DNER: variants seen among roughly 807,000 people sequenced by gnomAD.
The protein encoded by DNER is delta/notch like EGF repeat containing.
Under a neutral mutation model 78.2 loss-of-function variants are expected in DNER, and 33 were observed. The ratio of observed to expected loss-of-function variants is 0.42; its 90% CI spans 0.32 to 0.56. The LOEUF is 0.56. Among genes scored for constraint, DNER ranks in the 20% least tolerant of loss-of-function variants. The pLI is 0.11. For missense variants in DNER, 918 were observed against 975.3 expected (o/e 0.94, Z 0.78); for synonymous variants, 417 against 384.8 (o/e 1.08, Z -0.98).
At chr2:229,711,142 A>AT (rs1444027813) in intron 1 of DNER, among the ~76,000 whole-genome samples, 2 of 151,944 alleles carry the variant, frequency 1.3e-5, no homozygotes, top group African/African-American at 4.8e-5. Flanking sequence ...GTTTTGCTGC[A>AT]TTTTGGGGTT....
intron 1 of DNER, among the ~76,000 whole-genome samples, chr2:229,706,375 A>C (rs1213731555): frequency 1.4e-5 from 2 of 140,594 alleles, no homozygotes; most frequent in Non-Finnish European, 3.1e-5. Flanking sequence ...ACATAGCAAA[A>C]CCTCATCTCT....
At chr2:229,687,181 A>C (rs1236379010) in intron 1 of DNER, among the ~76,000 whole-genome samples, 1 of 152,162 alleles carries the variant, frequency 6.6e-6, no homozygotes, top group Non-Finnish European at 1.5e-5. Flanking sequence ...TATTAACTTG[A>C]AAACATTTAG....
At chr2:229,669,387 T>A (rs1301645634) in intron 1 of DNER, among the ~76,000 whole-genome samples, 4 of 150,942 alleles carry the variant, frequency 2.7e-5, no homozygotes, top group South Asian at 2.1e-4. Context: ...TATATATATA[T>A]AAAAGAATGT....
chr2:229,706,396 C>CAA (rs35958661), intron 1 of DNER, among the ~76,000 whole-genome samples: 3,068 of 119,806 alleles, frequency 0.026, 63 homozygotes, highest in Middle Eastern at 0.078. Context: ...AGTAAAAATA[C>CAA]AAAAAAAAAA....
At chr2:229,430,748 CAT>C (rs921185740) in intron 8 of DNER, among the ~76,000 whole-genome samples, 13 of 151,074 alleles carry the variant, frequency 8.6e-5, no homozygotes, top group African/African-American at 3.2e-4. Context: ...GACTAATACA[CAT>C]GTTTTATGGG....
chr2:229,622,341 G>T (rs1433326493), intron 1 of DNER, among the ~76,000 whole-genome samples: 1 of 152,012 alleles, frequency 6.6e-6, no homozygotes, highest in Non-Finnish European at 1.5e-5. Flanking sequence ...ACTCACCAAT[G>T]ACCCCTTTGA....
intron 1 of DNER, among the ~76,000 whole-genome samples, chr2:229,598,136 G>A (rs1697758545): frequency 6.6e-6 from 1 of 152,244 alleles, no homozygotes; most frequent in Non-Finnish European, 1.5e-5. Context: ...GATATAGTAA[G>A]TCAAAGCTAA....
In DNER at chr2:229,607,699, C is replaced by G. The variant is rs1052651781; in HGVS notation, c.277-15811G>C. Among the ~76,000 whole-genome samples the G allele has an allele frequency of 2.0e-5, 3 of 151,958 alleles. No individual in the cohort carries two copies. The South Asian group carries it at 6.2e-4, about 32-fold the overall frequency. On this transcript the variant is annotated intron_variant, in intron 1 of 12. Transcript: ENST00000341772. ...CACAGAGATTTGCCATGTAGAGAAA[C>G]TTAGAATATAACAGGGAAGGCATTA...
intron 1 of DNER, among the ~76,000 whole-genome samples, chr2:229,648,507 T>G (rs1473320744): frequency 6.6e-6 from 1 of 152,256 alleles, no homozygotes; most frequent in Non-Finnish European, 1.5e-5. Flanking sequence ...CTGTTCGCTT[T>G]TTGTACCACT....
chr2:229,570,364 G>A (rs1011244044), intron 4 of DNER, among the ~76,000 whole-genome samples: 10 of 152,310 alleles, frequency 6.6e-5, no homozygotes, highest in Admixed American at 2.0e-4. Flanking sequence ...CAGGTGTGGT[G>A]GCTTACGCCT....
At chr2:229,480,336 C>T (rs34421466) in intron 6 of DNER, among the ~76,000 whole-genome samples, 19,002 of 152,178 alleles carry the variant, frequency 0.12, 1,330 homozygotes, top group South Asian at 0.2. Context: ...TTTCAGTATG[C>T]ATTTCTAGCA....
chr2:229,476,080 G>A (rs145816695), intron 7 of DNER, among the ~76,000 whole-genome samples: 9 of 152,298 alleles, frequency 5.9e-5, no homozygotes, highest in Non-Finnish European at 8.8e-5. Context: ...AGCAGGGCTT[G>A]CCAAACACAT....
At chr2:229,668,823 A>G (rs182825902) in intron 1 of DNER, among the ~76,000 whole-genome samples, 1,707 of 151,792 alleles carry the variant, frequency 0.011, 34 homozygotes, top group African/African-American at 0.039. Context: ...GATTCCTCAA[A>G]GATCTAGAAC....
At chr2:229,664,782 A>G (rs1699060787) in intron 1 of DNER, among the ~76,000 whole-genome samples, 1 of 152,236 alleles carries the variant, frequency 6.6e-6, no homozygotes, top group Non-Finnish European at 1.5e-5. Context: ...CCAAAGTGAA[A>G]ACAAGGCATT....
intron 2 of DNER, among the ~76,000 whole-genome samples, chr2:229,590,959 C>T (rs1249039967): frequency 6.6e-6 from 1 of 152,136 alleles, no homozygotes; most frequent in Admixed American, 6.5e-5. Flanking sequence ...GGGACCTCTC[C>T]CTTCCCTCTC....
At chr2:229,604,185 C>T (rs757532533) in intron 1 of DNER, among the ~76,000 whole-genome samples, 1 of 152,188 alleles carries the variant, frequency 6.6e-6, no homozygotes, top group Admixed American at 6.5e-5. Flanking sequence ...TTGTTGGGGA[C>T]TCCAAAGACA....
chr2:229,491,639 G>C (rs760816251), intron 6 of DNER, among the ~76,000 whole-genome samples: 1 of 152,104 alleles, frequency 6.6e-6, no homozygotes, highest in Non-Finnish European at 1.5e-5. Flanking sequence ...GCTTTACCTA[G>C]TCAACCTATC....
intron 1 of DNER, among the ~76,000 whole-genome samples, chr2:229,673,924 T>C (rs74001410): frequency 1.1e-4 from 17 of 152,362 alleles, no homozygotes; most frequent in African/African-American, 3.8e-4. Context: ...CAGAGTGCAC[T>C]GGCCAGGGGC....
chr2:229,509,010 C>G (rs549796681), intron 6 of DNER, among the ~76,000 whole-genome samples: 25 of 152,244 alleles, frequency 1.6e-4, no homozygotes, highest in African/African-American at 6.0e-4. Context: ...AAGGGATGAA[C>G]AAAGGAGGAG....
Sources: allele counts gnomAD v4.1 joint callset (sites outside exome capture counted in the v4.1 genomes callset), GRCh38; gene constraint gnomAD v4.1.1; transcripts MANE v1.5; gene names NCBI Gene and HGNC (gene_info 2026-07-23, HGNC 2026-07-21).